NBR1: variants seen among roughly 807,000 people sequenced by gnomAD.
The protein encoded by NBR1 is NBR1 autophagy cargo receptor.
Under a neutral mutation model 115.5 loss-of-function variants are expected in NBR1, and 59 were observed. The observed-to-expected ratio is 0.51, with a 90% confidence interval of 0.41 to 0.63. The LOEUF (loss-of-function observed/expected upper bound fraction) is 0.63. Among genes scored for constraint, NBR1 ranks in the 30% least tolerant of loss-of-function variants. The pLI is 0.00. For missense variants in NBR1, 1,043 were observed against 1,150.5 expected (o/e 0.91, Z 1.35); for synonymous variants, 373 against 414.7 (o/e 0.90, Z 1.22).
chr17:43,174,745 T>G (rs1304152301), intron 1 of NBR1, among the ~76,000 whole-genome samples: 1 of 151,880 alleles, frequency 6.6e-6, no homozygotes, highest in Non-Finnish European at 1.5e-5. Context: ...GATTGTTGGT[T>G]TAACTAAGTG....
rs764404169 is a variant in NBR1, at chr17:43,194,949, T to C, written c.1675-15T>C. ...GCATGCACTCCAAACAGCCTAACAT[T>C]GTCTTTTTTTATAGGACCTGCTGTC... On this transcript the variant is annotated splice_polypyrimidine_tract_variant and intron_variant, in intron 13 of 20. Coordinates refer to ENST00000590996, the MANE Select transcript of NBR1 (RefSeq NM_005899.5). 6 of 1,611,176 alleles carry C rather than the reference T, an allele frequency of 3.7e-6. No homozygotes were observed. The East Asian group carries it at 1.3e-4, about 36-fold the overall frequency.
At chr17:43,180,476 G>A (rs549560619) in intron 4 of NBR1, among the ~76,000 whole-genome samples, 2 of 152,266 alleles carry the variant, frequency 1.3e-5, no homozygotes, top group African/African-American at 4.8e-5. Flanking sequence ...ATGTTATGTG[G>A]CAATGGTTAC....
chr17:43,184,179 G>A (rs2056743367), intron 5 of NBR1, among the ~76,000 whole-genome samples: 1 of 151,282 alleles, frequency 6.6e-6, no homozygotes, highest in South Asian at 2.1e-4. Context: ...AGGCTCCTGT[G>A]TAGCTGGGAC....
At chr17:43,184,729 G>A (rs887147975) in intron 5 of NBR1, among the ~76,000 whole-genome samples, 5 of 151,978 alleles carry the variant, frequency 3.3e-5, no homozygotes, top group African/African-American at 1.2e-4. Context: ...TAAGTTTCTT[G>A]AGTTTTGTTA....
In NBR1 at chr17:43,191,354, G is replaced by T; in HGVS notation, c.864-18G>T. 6.3e-7 allele frequency: 1 copy of T among 1,580,064 alleles called. No individual in the cohort carries two copies. Among genetic ancestry groups the T allele is most frequent in the Non-Finnish European group, 8.7e-7 (1 of 1,154,384 alleles). On this transcript the variant is annotated intron_variant, in intron 9 of 20. Coordinates refer to ENST00000590996, the MANE Select transcript of NBR1 (RefSeq NM_005899.5). ...TATTTGTGACTTTCTTTTAAGACTTGCTTTTATTATCTCACAGGCTCCAGA... is the reference window on the plus strand; with the variant it reads ...TATTTGTGACTTTCTTTTAAGACTTTCTTTTATTATCTCACAGGCTCCAGA...
In NBR1 at chr17:43,193,164, G is replaced by A. The variant is rs377650248; in HGVS notation, c.1144G>A (p.Asp382Asn). The A allele has an allele frequency of 1.2e-6, 2 of 1,613,990 alleles. No homozygotes were observed. Among genetic ancestry groups the A allele is most frequent in the Non-Finnish European group, 1.7e-6 (2 of 1,179,886 alleles). Residue 382 changes from aspartate to asparagine, a missense_variant, in exon 11 of 21, where the codon GAT (aspartate) becomes AAT (asparagine). Asp to Asn is a conservative substitution (Grantham distance 23, BLOSUM62 1). Transcript: ENST00000590996. ...SAAFVDENLP[D>N]GTHLQPGTKF... is the part of the protein sequence containing the mutation. The stretch of plus-strand genomic sequence containing the variant: ...AGCATTTGTGGATGAGAATTTGCCT[G>A]ATGGGACTCACCTTCAGCCAGGAAC...
intron 20 of NBR1, among the ~76,000 whole-genome samples, chr17:43,206,301 T>C (rs1193509703): frequency 6.6e-6 from 1 of 152,182 alleles, no homozygotes; most frequent in East Asian, 1.9e-4. Flanking sequence ...AAGGAAGTGA[T>C]TGACATGATG....
At chr17:43,209,859 A>G (rs1445167784) in intron 20 of NBR1, 42 bp from the exon 21 acceptor site, 11 of 1,445,380 alleles carry the variant, frequency 7.6e-6, no homozygotes, top group Non-Finnish European at 1.0e-5. Context: ...TAAATTATAC[A>G]GAATTTTTTT....
At chr17:43,179,081 G>C (rs1236889717) in intron 3 of NBR1, among the ~76,000 whole-genome samples, 1 of 152,164 alleles carries the variant, frequency 6.6e-6, no homozygotes, top group Non-Finnish European at 1.5e-5. Flanking sequence ...GAGGCACAGA[G>C]AGGTGAAAAT....
At position 43,194,479 on chromosome 17, in the gene NBR1, GTGGATCT is replaced by G; in HGVS notation, c.1656_1662del (p.Asp553Ter). ...TGAGAGGGAGCTCTACATCCCATCT[GTGGATCT>G]TCTGACTGCCCAGGTGGAAGATTCA... is the stretch of plus-strand genomic sequence containing the variant. On this transcript the variant is annotated frameshift_variant, in exon 13 of 21. Transcript: ENST00000590996. LOFTEE classifies it high-confidence loss of function. 6.2e-7 allele frequency: 1 copy of G among 1,613,986 alleles called. No homozygotes were observed. The highest frequency in any genetic ancestry group is 8.5e-7 in the Non-Finnish European group (1 of 1,179,872).
Position 43,175,892 on chromosome 17 carries a change from C to G in NBR1, c.93C>G (p.Ile31Met). 6.3e-7 allele frequency: 1 copy of G among 1,576,232 alleles called. No homozygotes were observed. The highest frequency in any genetic ancestry group is 8.7e-7 in the Non-Finnish European group (1 of 1,147,684). Residue 31 changes from isoleucine to methionine, a missense_variant, in exon 2 of 21, where the codon ATC (isoleucine) becomes ATG (methionine). By Grantham distance (10) the Ile-to-Met change is conservative. Coordinates refer to ENST00000590996, the MANE Select transcript of NBR1 (RefSeq NM_005899.5). Reference protein sequence around the residue: ...SDPENTTWADIEAMVKVSFDL... With the variant: ...SDPENTTWADMEAMVKVSFDL... ...CAGAAAATACAACTTGGGCTGATAT[C>G]GAAGCTATGGTGAGTGTTACTTTAT...
intron 16 of NBR1, among the ~76,000 whole-genome samples, chr17:43,199,059 G>A (rs1479598324): frequency 6.6e-6 from 1 of 151,602 alleles, no homozygotes; most frequent in African/African-American, 2.4e-5. Flanking sequence ...AATGTTCACA[G>A]CTGTTATTCT....
At chr17:43,174,453 C>G (rs1462731039) in intron 1 of NBR1, among the ~76,000 whole-genome samples, 1 of 151,768 alleles carries the variant, frequency 6.6e-6, no homozygotes, top group Non-Finnish European at 1.5e-5. Flanking sequence ...AAAAAATTAG[C>G]CAGGCGTGGT....
intron 19 of NBR1, among the ~76,000 whole-genome samples, chr17:43,202,928 C>T (rs186009737): frequency 1.3e-5 from 2 of 152,082 alleles, no homozygotes; most frequent in African/African-American, 2.4e-5. Context: ...GAGGCCGAGG[C>T]GGGTGGATCA....
intron 20 of NBR1, among the ~76,000 whole-genome samples, chr17:43,207,377 A>G (rs2057337512): frequency 6.6e-6 from 1 of 152,140 alleles, no homozygotes; most frequent in African/African-American, 2.4e-5. Flanking sequence ...AGTTTTTTAG[A>G]TACAGGGTCT....
In NBR1 at chr17:43,206,233, T is replaced by G. The variant is rs950977712; in HGVS notation, c.2727+2447T>G. Among the ~76,000 whole-genome samples the G allele has an allele frequency of 4.6e-5, 7 of 151,596 alleles. No homozygotes were observed. In the East Asian group the frequency reaches 1.2e-3, roughly 25 times the overall value. ...CAAATATGTAGGCAGGATGCTGTGT[T>G]ATGAGGTTTGGATTTTATTTTAAGG... On this transcript the variant is annotated intron_variant, in intron 20 of 20. Transcript: ENST00000590996.
intron 10 of NBR1, 22 bp from the exon 11 acceptor site, chr17:43,193,072 A>G (rs747151573): frequency 1.2e-6 from 2 of 1,610,436 alleles, no homozygotes; most frequent in East Asian, 2.2e-5. Context: ...GCAAGTGACT[A>G]AGCATCTGAA....
chr17:43,203,983 G>A (rs2057261271), intron 20 of NBR1, among the ~76,000 whole-genome samples, 197 bp downstream of exon 20: 1 of 151,414 alleles, frequency 6.6e-6, no homozygotes, highest in African/African-American at 2.4e-5. Flanking sequence ...TGTTGCCCAG[G>A]CTGGGGTGCA....
chr17:43,201,828 T>A (rs552881264), intron 18 of NBR1, 48 bp downstream of exon 18: 10 of 1,098,752 alleles, frequency 9.1e-6, no homozygotes, highest in Non-Finnish European at 1.4e-5. Context: ...TCCTGTCTAA[T>A]GGAAACCAGG....
Sources: gnomAD v4.1 joint callset for allele counts (sites outside exome capture counted in the v4.1 genomes callset) on GRCh38, gnomAD v4.1.1 for gene constraint, MANE v1.5 for transcripts, NCBI Gene and HGNC (gene_info 2026-07-23, HGNC 2026-07-21) for gene names.